The following HEPH variants were observed in gnomAD, a reference collection of about 807,000 sequenced individuals.
The protein encoded by HEPH is hephaestin.
A neutral mutation model predicts 80.8 loss-of-function variants in HEPH; 69 were observed. That is an observed-to-expected ratio of 0.85 (90% CI 0.70 to 1.04). The LOEUF is 1.04. Ranked by LOEUF, HEPH falls within the 50% of genes least tolerant of loss-of-function variation. The pLI, the probability that HEPH is intolerant of heterozygous loss-of-function variation, is 0.00. For missense variants in HEPH, 1,115 were observed against 891.3 expected, an observed-to-expected ratio of 1.25 and a Z score of -3.20; for synonymous variants, 431 against 322.8, an observed-to-expected ratio of 1.34 and a Z score of -3.60.
At chrX:66,210,775 T>C (rs997451315) in intron 15 of HEPH, among the ~76,000 whole-genome samples, 1 of 110,975 alleles carries the variant, frequency 9.0e-6, no homozygotes, top group African/African-American at 3.3e-5. Context: ...TTTGATTGAA[T>C]GGGTGTTGAG....
intron 15 of HEPH, among the ~76,000 whole-genome samples, chrX:66,211,207 G>A (rs1021065764): frequency 3.6e-5 from 4 of 110,818 alleles, no homozygotes; most frequent in African/African-American, 1.3e-4. Flanking sequence ...TTTAAGAGGA[G>A]GTACTCTATC....
At chrX:66,166,296 C>T (rs900326712) in intron 1 of HEPH, among the ~76,000 whole-genome samples, 9 of 111,451 alleles carry the variant, frequency 8.1e-5, no homozygotes, top group Non-Finnish European at 1.7e-4. Context: ...CAGGTTCAAG[C>T]GATTCTCCTG....
intron 19 of HEPH, among the ~76,000 whole-genome samples, chrX:66,263,356 G>T (rs1387025351): frequency 1.8e-5 from 2 of 111,328 alleles, no homozygotes; most frequent in Admixed American, 9.6e-5. Context: ...TGGAAATAGA[G>T]CAATAATGGG....
chrX:66,211,428 C>A (rs942043958), intron 15 of HEPH, among the ~76,000 whole-genome samples: 5 of 111,234 alleles, frequency 4.5e-5, no homozygotes, highest in African/African-American at 1.3e-4. Context: ...ACATTGAATT[C>A]ATTCCATTTT....
At chrX:66,213,306 T>G (rs1398757425) in intron 15 of HEPH, among the ~76,000 whole-genome samples, 1 of 110,547 alleles carries the variant, frequency 9.0e-6, no homozygotes, top group Non-Finnish European at 1.9e-5. Context: ...GTTCTTGTGA[T>G]AGTTTACTGA....
At chrX:66,260,735 T>G (rs964658373) in intron 19 of HEPH, among the ~76,000 whole-genome samples, 1 of 111,815 alleles carries the variant, frequency 8.9e-6, no homozygotes, top group Non-Finnish European at 1.9e-5. Flanking sequence ...TGATTTGTTC[T>G]ATGGGGTTGT....
intron 4 of HEPH, among the ~76,000 whole-genome samples, chrX:66,186,808 C>T (rs556309492): frequency 8.9e-6 from 1 of 112,223 alleles, no homozygotes; most frequent in Admixed American, 9.4e-5. Context: ...TATTGCTCCT[C>T]CAAATATGTT....
chrX:66,177,141 T>A (rs764629643), intron 4 of HEPH, among the ~76,000 whole-genome samples: 1 of 111,750 alleles, frequency 8.9e-6, no homozygotes, highest in South Asian at 3.7e-4. Flanking sequence ...AACAACCCCA[T>A]CAAAAAGTGG....
intron 4 of HEPH, among the ~76,000 whole-genome samples, chrX:66,180,848 T>A (rs1422139932): frequency 4.1e-5 from 2 of 48,990 alleles, no homozygotes; most frequent in African/African-American, 1.5e-4. Context: ...CCCTCCCCCC[T>A]CCCCCGACCC....
intron 1 of HEPH, chrX:66,170,350 G>C: frequency 2.7e-6 from 1 of 375,137 alleles, no homozygotes; most frequent in Admixed American, 4.2e-5. Context: ...AGCAGCACGG[G>C]TGACTTTTTA....
intron 15 of HEPH, among the ~76,000 whole-genome samples, chrX:66,218,914 CTGTT>C (rs1450966873): frequency 1.1e-4 from 12 of 112,028 alleles, no homozygotes; most frequent in African/African-American, 2.9e-4. Context: ...ACCGGGCTGT[CTGTT>C]TGTGGATTTC....
intron 4 of HEPH, among the ~76,000 whole-genome samples, chrX:66,175,954 C>G (rs1302287178): frequency 9.0e-6 from 1 of 111,413 alleles, no homozygotes; most frequent in Admixed American, 9.6e-5. Flanking sequence ...ATCATATTGT[C>G]AGCAAACAGT....
intron 15 of HEPH, among the ~76,000 whole-genome samples, chrX:66,213,525 T>C (rs1158275186): frequency 8.9e-6 from 1 of 112,123 alleles, no homozygotes; most frequent in African/African-American, 3.2e-5. Flanking sequence ...CTTTCACCTC[T>C]TTGGTTAAAA....
chrX:66,239,487 G>C (rs944553845), intron 15 of HEPH, among the ~76,000 whole-genome samples: 6 of 112,036 alleles, frequency 5.4e-5, no homozygotes, highest in African/African-American at 6.5e-5. Flanking sequence ...GTTTATAAAT[G>C]GTTAAGATTT....
rs947938259 is a variant in HEPH at position 66,225,663 on chromosome X, C to T, written c.2563+17417C>T. ...CTCCACAGGGGCCTGCCATGCGCTG[C>T]TCTGGCAAGGCATTCCACTGGGGCA... On this transcript the variant is annotated intron_variant, in intron 15 of 20. Coordinates refer to ENST00000343002, the MANE Select transcript of HEPH (RefSeq NM_001367233.3). 1.9e-4 allele frequency among the ~76,000 whole-genome samples: 21 copies of T among 112,583 alleles called. 1 individual carries two copies. In the Admixed American group the frequency reaches 2.0e-3, roughly 11 times the overall value.
intron 15 of HEPH, among the ~76,000 whole-genome samples, chrX:66,243,608 CT>C (rs1302543424): frequency 1.8e-5 from 2 of 113,093 alleles, no homozygotes; most frequent in African/African-American, 6.4e-5. Context: ...TTGAATCTTG[CT>C]TGTTTATCCA....
At chrX:66,225,075 C>G (rs1010343788) in intron 15 of HEPH, among the ~76,000 whole-genome samples, 1 of 110,973 alleles carries the variant, frequency 9.0e-6, no homozygotes, top group Non-Finnish European at 1.9e-5. Flanking sequence ...GTCTGGGTAC[C>G]TTGGCTTACA....
intron 15 of HEPH, among the ~76,000 whole-genome samples, chrX:66,252,942 G>GA (rs1443680849): frequency 8.9e-6 from 1 of 112,012 alleles, no homozygotes; most frequent in Admixed American, 9.5e-5. Context: ...ACAACATACA[G>GA]AAAAATCAAC....
chrX:66,245,110 A>C (rs1460736698), intron 15 of HEPH, among the ~76,000 whole-genome samples: 1 of 111,405 alleles, frequency 9.0e-6, no homozygotes, highest in Non-Finnish European at 1.9e-5. Flanking sequence ...TAAAGACAGG[A>C]TCAAATTCAC....
Sources: allele counts gnomAD v4.1 joint callset (sites outside exome capture counted in the v4.1 genomes callset), GRCh38; gene constraint gnomAD v4.1.1; transcripts MANE v1.5; gene names NCBI Gene and HGNC (gene_info 2026-07-23, HGNC 2026-07-21).